The following SEMA6D variants were observed in gnomAD, a reference collection of about 807,000 sequenced individuals.
SEMA6D encodes the protein semaphorin 6D, also known as semaphorin-6D.
SEMA6D carries 35 observed loss-of-function variants against 106.6 expected under a neutral mutation model. The ratio of observed to expected loss-of-function variants is 0.33; its 90% confidence interval spans 0.25 to 0.44. The LOEUF (loss-of-function observed/expected upper bound fraction) is 0.44, where lower values mean the gene tolerates loss of function less well. SEMA6D is among the 20% of genes least tolerant of loss of function. SEMA6D has a pLI of 1.00. For synonymous variants in SEMA6D, 499 were observed against 487.7 expected (o/e 1.02, Z -0.31); for missense variants, 1,185 against 1,345.9 (o/e 0.88, Z 1.87).
At chr15:47,597,746 T>G (rs138770166) in intron 3 of SEMA6D, among the ~76,000 whole-genome samples, 1 of 151,494 alleles carries the variant, frequency 6.6e-6, no homozygotes, top group Non-Finnish European at 1.5e-5. Flanking sequence ...GAGATGTTGG[T>G]CAAAGGGCAG....
At chr15:47,527,533 G>T (rs1231802657) in intron 3 of SEMA6D, 1 of 152,154 alleles carries the variant, frequency 6.6e-6, no homozygotes, top group Non-Finnish European at 1.5e-5. Flanking sequence ...TTCTGTGTTT[G>T]AGATTCTTAC....
At chr15:47,459,569 CAG>C (rs2042439344) in intron 2 of SEMA6D, among the ~76,000 whole-genome samples, 1 of 151,910 alleles carries the variant, frequency 6.6e-6, no homozygotes, top group Non-Finnish European at 1.5e-5. Flanking sequence ...CACGGAGAAA[CAG>C]ATGAAGGGAA....
intron 3 of SEMA6D, among the ~76,000 whole-genome samples, chr15:47,590,526 TAATA>T (rs903008159): frequency 7.2e-5 from 11 of 151,890 alleles, no homozygotes; most frequent in South Asian, 2.1e-4. Flanking sequence ...ACTTAAAGTA[TAATA>T]AATAAATAAA....
chr15:47,317,043 G>T (rs532569555), intron 1 of SEMA6D, among the ~76,000 whole-genome samples: 2 of 151,938 alleles, frequency 1.3e-5, no homozygotes, highest in Admixed American at 1.3e-4. Context: ...GTCTGGGCTG[G>T]GTGCTTTCTG....
intron 1 of SEMA6D, among the ~76,000 whole-genome samples, chr15:47,732,476 A>G (rs533640560): frequency 2.6e-5 from 4 of 152,314 alleles, no homozygotes; most frequent in African/African-American, 9.6e-5. Flanking sequence ...TCATTGGATA[A>G]CATCATGTCA....
At chr15:47,729,001 G>A (rs563334019) in intron 1 of SEMA6D, among the ~76,000 whole-genome samples, 5 of 152,202 alleles carry the variant, frequency 3.3e-5, no homozygotes, top group Admixed American at 6.5e-5. Context: ...CCCATTCCAG[G>A]GATTACGGCA....
chr15:47,727,802 T>A (rs540028268), intron 1 of SEMA6D, among the ~76,000 whole-genome samples: 26 of 152,218 alleles, frequency 1.7e-4, no homozygotes, highest in Non-Finnish European at 3.1e-4. Flanking sequence ...AGTTTTTGAT[T>A]TAATGATAAA....
intron 1 of SEMA6D, among the ~76,000 whole-genome samples, chr15:47,247,343 CA>C (rs1011107631): frequency 2.0e-5 from 3 of 151,904 alleles, no homozygotes; most frequent in Middle Eastern, 3.2e-3. Flanking sequence ...AGGGAGAAAA[CA>C]TTCTGACAAT....
At chr15:47,376,640 A>G (rs950967848) in intron 1 of SEMA6D, among the ~76,000 whole-genome samples, 1 of 152,232 alleles carries the variant, frequency 6.6e-6, no homozygotes, top group African/African-American at 2.4e-5. Context: ...AGCTTGCTAA[A>G]GAAAGATAAA....
intron 4 of SEMA6D, among the ~76,000 whole-genome samples, chr15:47,650,016 C>T (rs541131395): frequency 1.3e-4 from 20 of 152,234 alleles, no homozygotes; most frequent in African/African-American, 4.8e-4. Flanking sequence ...CCCCACATGC[C>T]CTCTTCTCAG....
intron 3 of SEMA6D, among the ~76,000 whole-genome samples, chr15:47,530,577 T>C (rs2044927844): frequency 6.6e-6 from 1 of 152,210 alleles, no homozygotes; most frequent in Non-Finnish European, 1.5e-5. Flanking sequence ...GATCACAAGA[T>C]TTTTAAAGAG....
chr15:47,434,969 G>A (rs1274560599), intron 2 of SEMA6D, among the ~76,000 whole-genome samples: 1 of 152,046 alleles, frequency 6.6e-6, no homozygotes, highest in South Asian at 2.1e-4. Flanking sequence ...ACAGTTCTTT[G>A]ACAGCTTTCT....
At chr15:47,442,369 CTCT>C (rs1310626204) in intron 2 of SEMA6D, among the ~76,000 whole-genome samples, 2 of 152,046 alleles carry the variant, frequency 1.3e-5, no homozygotes, top group Admixed American at 6.6e-5. Flanking sequence ...ACTTGGCTGC[CTCT>C]TCTTTCTTTT....
At chr15:47,646,446 G>A (rs769611954) in intron 4 of SEMA6D, among the ~76,000 whole-genome samples, 16 of 152,118 alleles carry the variant, frequency 1.1e-4, no homozygotes, top group Admixed American at 2.0e-4. Flanking sequence ...ATAAGAAAAA[G>A]ACACTTAAGA....
At chr15:47,706,085 A>G (rs1409680742) in intron 4 of SEMA6D, among the ~76,000 whole-genome samples, 1 of 152,232 alleles carries the variant, frequency 6.6e-6, no homozygotes, top group African/African-American at 2.4e-5. Flanking sequence ...TCAGGAGGCC[A>G]GATCAGAAAT....
At chr15:47,641,894 A>G (rs2077495155) in intron 4 of SEMA6D, among the ~76,000 whole-genome samples, 1 of 152,038 alleles carries the variant, frequency 6.6e-6, no homozygotes, top group African/African-American at 2.4e-5. Context: ...GGGCACTCCT[A>G]TGTGGAGAGC....
chr15:47,686,326 C>A (rs886663512), intron 4 of SEMA6D, among the ~76,000 whole-genome samples: 2 of 152,154 alleles, frequency 1.3e-5, no homozygotes, highest in African/African-American at 4.8e-5. Context: ...CCCTCTGAAA[C>A]TTTCTTTAAG....
chr15:47,505,800 C>G (rs993999591), intron 3 of SEMA6D, among the ~76,000 whole-genome samples: 1 of 152,058 alleles, frequency 6.6e-6, no homozygotes, highest in African/African-American at 2.4e-5. Flanking sequence ...CTGGATCATC[C>G]GTTATCATAT....
intron 3 of SEMA6D, among the ~76,000 whole-genome samples, chr15:47,591,695 A>G (rs755919143): frequency 5.3e-5 from 8 of 152,214 alleles, no homozygotes; most frequent in Non-Finnish European, 1.0e-4. Flanking sequence ...GTTTCATTGT[A>G]TCAGGAGAGA....
Sources: gnomAD v4.1 joint callset for allele counts (sites outside exome capture counted in the v4.1 genomes callset) on GRCh38, gnomAD v4.1.1 for gene constraint, MANE v1.5 for transcripts, NCBI Gene and HGNC (gene_info 2026-07-23, HGNC 2026-07-21) for gene names.